The following OLA1 variants were observed in gnomAD, a reference collection of about 807,000 sequenced individuals.
The protein encoded by OLA1 is Obg like ATPase 1, also known as obg-like ATPase 1.
In OLA1, 14 loss-of-function variants were observed where a neutral mutation model predicts 48.4. That is an observed-to-expected ratio of 0.29 (90% CI 0.19 to 0.45). The LOEUF (loss-of-function observed/expected upper bound fraction) is 0.45, where lower values mean the gene tolerates loss of function less well. OLA1 is among the 20% of genes least tolerant of loss of function. OLA1 has a pLI of 1.00. For missense variants in OLA1, 325 were observed against 467.1 expected, an observed-to-expected ratio of 0.70 and a Z score of 2.80; for synonymous variants, 127 against 150.4, an observed-to-expected ratio of 0.84 and a Z score of 1.14.
chr2:174,168,664 T>C (rs960049259), intron 4 of OLA1, among the ~76,000 whole-genome samples: 1 of 150,468 alleles, frequency 6.6e-6, no homozygotes, highest in Admixed American at 6.6e-5. Context: ...AGCAGAGAAA[T>C]AGAAATGGTG....
intron 7 of OLA1, among the ~76,000 whole-genome samples, chr2:174,114,341 C>CAAAAAAAAAAAAAAAAAAAAAAAAA (rs76471043): frequency 3.3e-5 from 2 of 60,648 alleles, no homozygotes; most frequent in Admixed American, 2.5e-4. Context: ...GACTCCGCCT[C>CAAAAAAAAAAAAAAAAAAAAAAAAA]AAAAAAAAAA....
At chr2:174,106,503 C>T (rs913426120) in intron 7 of OLA1, among the ~76,000 whole-genome samples, 1 of 152,060 alleles carries the variant, frequency 6.6e-6, no homozygotes, top group Non-Finnish European at 1.5e-5. Flanking sequence ...CTAACAAAAG[C>T]AGAGCACCTG....
intron 4 of OLA1, among the ~76,000 whole-genome samples, chr2:174,208,199 G>A (rs1020470107): frequency 6.6e-6 from 1 of 152,108 alleles, no homozygotes. Flanking sequence ...ATCAGCCTCT[G>A]AGCTCTAGCC....
At chr2:174,163,744 A>G (rs1319385513) in intron 4 of OLA1, among the ~76,000 whole-genome samples, 3 of 45,432 alleles carry the variant, frequency 6.6e-5, no homozygotes, top group African/African-American at 2.7e-4. Context: ...ATATATATAT[A>G]TATATATATA....
intron 4 of OLA1, among the ~76,000 whole-genome samples, chr2:174,219,927 T>A (rs1287406712): frequency 6.6e-6 from 1 of 151,878 alleles, no homozygotes; most frequent in African/African-American, 2.4e-5. Context: ...AGGTGAGGAG[T>A]TCAGGACCAG....
chr2:174,092,127 CAA>C (rs10542498), intron 7 of OLA1, among the ~76,000 whole-genome samples: 14,930 of 84,550 alleles, frequency 0.18, 1,670 homozygotes, highest in East Asian at 0.67. Flanking sequence ...AACTCCATCT[CAA>C]AAAAAAAAAA....
At chr2:174,217,459 C>T (rs1032677300) in intron 4 of OLA1, among the ~76,000 whole-genome samples, 1 of 152,006 alleles carries the variant, frequency 6.6e-6, no homozygotes, top group Non-Finnish European at 1.5e-5. Flanking sequence ...AGTGCTGAAA[C>T]AGAGTACAAG....
chr2:174,222,599 A>C (rs910661758), intron 4 of OLA1, among the ~76,000 whole-genome samples: 1 of 152,098 alleles, frequency 6.6e-6, no homozygotes, highest in African/African-American at 2.4e-5. Context: ...TTTCTCTTTA[A>C]TCCTTTCATC....
intron 7 of OLA1, among the ~76,000 whole-genome samples, chr2:174,090,899 G>A (rs1313219817): frequency 1.3e-5 from 2 of 152,176 alleles, no homozygotes; most frequent in Admixed American, 1.3e-4. Context: ...TTTAAGATAA[G>A]AATCTCCTTG....
intron 7 of OLA1, among the ~76,000 whole-genome samples, chr2:174,113,309 T>C (rs1420921869): frequency 6.6e-6 from 1 of 152,158 alleles, no homozygotes; most frequent in Non-Finnish European, 1.5e-5. Context: ...GTTTATCATA[T>C]CAATATATAA....
chr2:174,153,458 C>T (rs377441421), intron 4 of OLA1, among the ~76,000 whole-genome samples: 13 of 152,156 alleles, frequency 8.5e-5, no homozygotes, highest in Middle Eastern at 3.4e-3. Context: ...AGTATAGTAG[C>T]AATCAAAAAA....
intron 5 of OLA1, among the ~76,000 whole-genome samples, chr2:174,130,721 T>C (rs1686161342): frequency 1.3e-5 from 2 of 152,080 alleles, no homozygotes; most frequent in South Asian, 4.1e-4. Context: ...ACTGATAATT[T>C]ATGGAAAGTA....
At chr2:174,142,609 C>G (rs1686480546) in intron 4 of OLA1, among the ~76,000 whole-genome samples, 1 of 152,208 alleles carries the variant, frequency 6.6e-6, no homozygotes, top group African/African-American at 2.4e-5. Context: ...CAAAATGATG[C>G]TGGCCCTTAT....
chr2:174,141,459 C>T lies in OLA1; in HGVS notation c.549+366G>A, dbSNP rs369497965. ...TCATTTAGTCCACCCCTATGGAGAA[C>T]CAGGTCTTTGTATAAATCACTTCTT... is the stretch of plus-strand genomic sequence containing the variant. On this transcript the variant is annotated intron_variant, in intron 5 of 10. Coordinates refer to ENST00000284719, the MANE Select transcript of OLA1 (RefSeq NM_013341.5). 4.6e-5 allele frequency among the ~76,000 whole-genome samples: 7 copies of T among 152,140 alleles called. No individual in the cohort carries two copies. The East Asian group carries it at 1.2e-3, about 25-fold the overall frequency.
intron 7 of OLA1, among the ~76,000 whole-genome samples, chr2:174,110,021 C>A (rs552212527): frequency 6.6e-6 from 1 of 151,500 alleles, no homozygotes; most frequent in South Asian, 2.1e-4. Flanking sequence ...AAGTTCTCAT[C>A]ATTTAGCTCC....
At chr2:174,131,758 GCTGT>G (rs749075007) in intron 5 of OLA1, among the ~76,000 whole-genome samples, 5 of 151,942 alleles carry the variant, frequency 3.3e-5, no homozygotes, top group Non-Finnish European at 7.4e-5. Context: ...TTTCTATCAG[GCTGT>G]CTTTTTCTTA....
chr2:174,247,906 G>A, intron 1 of OLA1: 1 of 1,098,244 alleles, frequency 9.1e-7, no homozygotes, highest in South Asian at 1.6e-5. Context: ...AAATCACAAA[G>A]ACCGCTAAGC....
At chr2:174,156,576 CTCTTT>C (rs1276403455) in intron 4 of OLA1, among the ~76,000 whole-genome samples, 6 of 131,876 alleles carry the variant, frequency 4.5e-5, no homozygotes, top group Non-Finnish European at 9.4e-5. Flanking sequence ...TGCTCCCACA[CTCTTT>C]TTTTTTTTTT....
chr2:174,204,601 G>A (rs1441090071), intron 4 of OLA1, among the ~76,000 whole-genome samples: 1 of 151,952 alleles, frequency 6.6e-6, no homozygotes, highest in African/African-American at 2.4e-5. Flanking sequence ...CAAAATAACT[G>A]AAAACATCCA....
Sources: allele counts gnomAD v4.1 joint callset (sites outside exome capture counted in the v4.1 genomes callset), GRCh38; gene constraint gnomAD v4.1.1; transcripts MANE v1.5; gene names NCBI Gene and HGNC (gene_info 2026-07-23, HGNC 2026-07-21).